Variants in FBXL2 observed in about 807,000 individuals in gnomAD.
The protein encoded by FBXL2 is F-box and leucine rich repeat protein 2.
Under a neutral mutation model 69.2 loss-of-function variants are expected in FBXL2, and 38 were observed. The ratio of observed to expected loss-of-function variants is 0.55; its 90% confidence interval spans 0.42 to 0.72. FBXL2 has a LOEUF of 0.72. FBXL2 is among the 30% of genes least tolerant of loss of function. The pLI is 0.00. For synonymous variants in FBXL2, 192 were observed against 201.3 expected (o/e 0.95, Z 0.39); for missense variants, 354 against 520.3 (o/e 0.68, Z 3.11).
intron 5 of FBXL2, among the ~76,000 whole-genome samples, chr3:33,364,987 C>CA (rs1312045856): frequency 2.0e-5 from 3 of 152,140 alleles, no homozygotes; most frequent in African/African-American, 7.2e-5. Context: ...CTATAGCTCC[C>CA]ACAGGACTGT....
At chr3:33,418,159 T>C in the FBXL2 span, among the ~76,000 whole-genome samples, 8 of 152,356 alleles carry the variant, frequency 5.3e-5, no homozygotes, top group East Asian at 1.5e-3. Flanking sequence ...ACACCATTTA[T>C]GTTTAAAATT....
At chr3:33,291,695 A>G (rs1042642645) in intron 1 of FBXL2, among the ~76,000 whole-genome samples, 2 of 152,214 alleles carry the variant, frequency 1.3e-5, no homozygotes, top group African/African-American at 4.8e-5. Flanking sequence ...ACAGAGAGGT[A>G]TAGCTGTAAG....
At position 33,333,215 on chromosome 3, in the gene FBXL2, CAA is replaced by C. The variant is rs1423255104; in HGVS notation, c.66-25749_66-25748del. On this transcript the variant is annotated intron_variant, in intron 2 of 14. Transcript: ENST00000484457. ...TTAAATTGCACACTTTTTAAAAAAACAAAATGTAACCATTTGGGTAAAAATAA... is the reference window on the plus strand; with the variant it reads ...TTAAATTGCACACTTTTTAAAAAAACAATGTAACCATTTGGGTAAAAATAA... Among the ~76,000 whole-genome samples the C allele has an allele frequency of 2.6e-5, 4 of 151,914 alleles. No homozygotes were observed. The East Asian group carries it at 7.7e-4, about 29-fold the overall frequency.
chr3:33,357,957 A>C (rs571076481), intron 2 of FBXL2, among the ~76,000 whole-genome samples: 2 of 152,194 alleles, frequency 1.3e-5, no homozygotes. Context: ...ATGGTACTGC[A>C]TGTGGGTGCA....
intron 5 of FBXL2, 34 bp downstream of exon 5, chr3:33,364,753 G>C: frequency 6.5e-7 from 1 of 1,542,236 alleles, no homozygotes; most frequent in Non-Finnish European, 9.0e-7. Context: ...TGTCATGGCA[G>C]CTTGTAGCAT....
intron 2 of FBXL2, among the ~76,000 whole-genome samples, chr3:33,335,874 T>G (rs2039538097): frequency 6.6e-6 from 1 of 152,120 alleles, no homozygotes; most frequent in South Asian, 2.1e-4. Flanking sequence ...GGGGAGATAA[T>G]TTTGTGCTAT....
chr3:33,409,248 T>C, the FBXL2 span: 1 of 1,614,024 alleles, frequency 6.2e-7, no homozygotes. Flanking sequence ...CTGTGAGGAT[T>C]GTGGTATCAT....
intron 2 of FBXL2, among the ~76,000 whole-genome samples, chr3:33,340,276 T>C (rs907580015): frequency 6.6e-6 from 1 of 152,318 alleles, no homozygotes; most frequent in African/African-American, 2.4e-5. Context: ...TGTTATACTT[T>C]AATAAAAAAT....
At chr3:33,281,534 A>G (rs2034004932) in intron 1 of FBXL2, among the ~76,000 whole-genome samples, 1 of 152,136 alleles carries the variant, frequency 6.6e-6, no homozygotes, top group East Asian at 1.9e-4. Flanking sequence ...TAGCAGCATG[A>G]TTTATAATCC....
At chr3:33,390,518 T>C, downstream of FBXL2, 1 of 782,966 alleles carries the variant, frequency 1.3e-6, no homozygotes, top group Non-Finnish European at 2.1e-6. Context: ...TAACTTGCTC[T>C]AGCTCCTCTT....
chr3:33,365,278 T>C lies in FBXL2; in HGVS notation c.290+559T>C, dbSNP rs555127914. Among the ~76,000 whole-genome samples, 27 of 133,370 alleles carry C rather than the reference T, an allele frequency of 2.0e-4. 1 individual carries two copies. In the South Asian group the frequency reaches 6.3e-3, roughly 31 times the overall value. 87.5% of individuals were successfully genotyped at this position (133,370 alleles called of 152,430 possible). On this transcript the variant is annotated intron_variant, in intron 5 of 14. Transcript: ENST00000484457. ...CTCTTACTGGATAGCCATTATTTAT[T>C]GGGGTTTTTTTTTTTTTTTGAGACC...
chr3:33,419,052 A>G, the FBXL2 span, among the ~76,000 whole-genome samples: 1 of 152,184 alleles, frequency 6.6e-6, no homozygotes, highest in Non-Finnish European at 1.5e-5. Flanking sequence ...CTATCAGAAC[A>G]GTATAAATCC....
intron 13 of FBXL2, among the ~76,000 whole-genome samples, chr3:33,380,319 G>C (rs890156586): frequency 6.6e-6 from 1 of 152,056 alleles, no homozygotes; most frequent in African/African-American, 2.4e-5. Context: ...CACTTTGGGA[G>C]GCCGAGGCAG....
intron 11 of FBXL2, 90 bp from the exon 12 acceptor site, chr3:33,378,013 C>G (rs747039385): frequency 6.0e-5 from 74 of 1,235,786 alleles, no homozygotes; most frequent in Non-Finnish European, 8.5e-5. Flanking sequence ...AACAAGGACA[C>G]TGGGCCAATA....
At chr3:33,300,834 G>A (rs1295720723) in intron 2 of FBXL2, among the ~76,000 whole-genome samples, 2 of 149,876 alleles carry the variant, frequency 1.3e-5, no homozygotes, top group African/African-American at 4.9e-5. Flanking sequence ...TCAGCCTCCT[G>A]TGTAGCTGGG....
At chr3:33,412,445 T>C in the FBXL2 span, among the ~76,000 whole-genome samples, 36 of 151,796 alleles carry the variant, frequency 2.4e-4, no homozygotes, top group Admixed American at 1.2e-3. Context: ...TAGAGGGGCA[T>C]GGTGGCGCGC....
intron 1 of FBXL2, among the ~76,000 whole-genome samples, chr3:33,292,530 G>GA (rs1046943126): frequency 9.3e-5 from 14 of 150,574 alleles, no homozygotes; most frequent in Non-Finnish European, 3.0e-5. Flanking sequence ...AACTTGTGAA[G>GA]AAAAAAAAAG....
intron 2 of FBXL2, among the ~76,000 whole-genome samples, chr3:33,329,741 C>T (rs1226299157): frequency 6.6e-6 from 1 of 152,118 alleles, no homozygotes; most frequent in Non-Finnish European, 1.5e-5. Flanking sequence ...CTTGTAATCC[C>T]AGCACTTTGG....
At chr3:33,336,925 C>A (rs997703429) in intron 2 of FBXL2, among the ~76,000 whole-genome samples, 2 of 149,552 alleles carry the variant, frequency 1.3e-5, no homozygotes, top group African/African-American at 5.0e-5. Context: ...ACAACCTTGG[C>A]CTGGCGCAGT....
Sources: allele counts gnomAD v4.1 joint callset (sites outside exome capture counted in the v4.1 genomes callset), GRCh38; gene constraint gnomAD v4.1.1; transcripts MANE v1.5; gene names NCBI Gene and HGNC (gene_info 2026-07-23, HGNC 2026-07-21).